The following HERC2 variants were observed in gnomAD, a reference collection of about 807,000 sequenced individuals.
HERC2 encodes E3 ubiquitin-protein ligase HERC2.
A neutral mutation model predicts 537.7 loss-of-function variants in HERC2; 102 were observed. That is an observed-to-expected ratio of 0.19 (90% CI 0.16 to 0.22). The LOEUF (loss-of-function observed/expected upper bound fraction) is 0.22, where lower values mean the gene tolerates loss of function less well. HERC2 is among the 10% of genes least tolerant of loss of function. HERC2 has a pLI of 1.00. For missense variants in HERC2, 4,236 were observed against 6,198.2 expected (o/e 0.68, Z 10.63); for synonymous variants, 2,224 against 2,466.2 (o/e 0.90, Z 2.91).
intron 44 of HERC2, among the ~76,000 whole-genome samples, chr15:28,206,969 C>T: frequency 6.6e-6 from 1 of 151,390 alleles, no homozygotes; most frequent in South Asian, 2.1e-4. Context: ...CAATATCACA[C>T]CACCATACTC....
rs1260084949 is a variant in HERC2 at position 28,265,011 on chromosome 15, T to A, written c.1870+607A>T. On this transcript the variant is annotated intron_variant, in intron 14 of 92. Transcript: ENST00000261609. This position sits in a 1 kb window ranked among gnomAD's most constrained non-coding sequence, Gnocchi z 4.0. ...TCAATTACCAATCTGCCATTCAACT[T>A]CTGCAGGAGAGAAAGCAAGCTGACA... Among the ~76,000 whole-genome samples, 2 of 152,064 alleles carry A rather than the reference T, an allele frequency of 1.3e-5. No homozygotes were observed. Among genetic ancestry groups the A allele is most frequent in the Non-Finnish European group, 2.9e-5 (2 of 68,024 alleles).
At position 28,298,005 on chromosome 15, in the gene HERC2, T is replaced by TTGTGTGTGTGTGTGTG. The variant is rs373425948; in HGVS notation, c.187+1381_187+1396dup. 3.8e-5 allele frequency among the ~76,000 whole-genome samples: 5 copies of TTGTGTGTGTGTGTGTG among 130,616 alleles called. No individual in the cohort carries two copies. The East Asian group carries it at 7.8e-4, about 20-fold the overall frequency. 85.7% of individuals were successfully genotyped at this position (130,616 alleles called of 152,430 possible). A position where few individuals can be genotyped will look rare whatever the true frequency, so the allele number is the denominator to read the frequency against. The stretch of plus-strand genomic sequence containing the variant: ...ACTCACTGTACACGTCTGTCAGTTA[T>TTGTGTGTGTGTGTGTG]TGTGTGTGTGTGTGTGTGTGTGTGT... On this transcript the variant is annotated intron_variant, in intron 3 of 92. Transcript: ENST00000261609.
chr15:28,301,390 G>C (rs2076619489), intron 2 of HERC2, among the ~76,000 whole-genome samples: 1 of 151,974 alleles, frequency 6.6e-6, no homozygotes, highest in African/African-American at 2.4e-5. Flanking sequence ...ACTCCAGCCT[G>C]GGTGACAGAG....
Position 28,224,248 on chromosome 15 carries a change from CGCCCAGGCTGGA to C in HERC2, c.5465-2045_5465-2034del, listed in dbSNP as rs925792117. Among the ~76,000 whole-genome samples the C allele has an allele frequency of 2.4e-4, 36 of 151,684 alleles. 1 individual carries two copies. Among genetic ancestry groups the C allele is most frequent in the Admixed American group, 1.2e-3 (18 of 15,214 alleles). On this transcript the variant is annotated intron_variant, in intron 35 of 92. Coordinates refer to ENST00000261609, the MANE Select transcript of HERC2 (RefSeq NM_004667.6). ...CCCCCAAGACAGGATTTCACTTTGT[CGCCCAGGCTGGA>C]GCCCAGGCTGGAGTGCAGTGGCTTT...
chr15:28,184,482 C>T (rs1002638570), intron 56 of HERC2, among the ~76,000 whole-genome samples: 1 of 152,080 alleles, frequency 6.6e-6, no homozygotes, highest in Admixed American at 6.5e-5. Context: ...GCTTTTCTTT[C>T]GACAATATAT....
At chr15:28,162,450 CATA>C (rs1183446048) in intron 69 of HERC2, among the ~76,000 whole-genome samples, 1 of 151,848 alleles carries the variant, frequency 6.6e-6, no homozygotes, top group Non-Finnish European at 1.5e-5. Context: ...GATTTGACCA[CATA>C]ATAATTAAAA....
rs1048537677 is a variant in HERC2, at chr15:28,122,353, C to A, written c.13189-924G>T. Among the ~76,000 whole-genome samples, 4 of 152,202 alleles carry A rather than the reference C, an allele frequency of 2.6e-5. No individual in the cohort carries two copies. The highest frequency in any genetic ancestry group is 9.7e-5 in the African/African-American group (4 of 41,450). ...TCTCTTGGCCAAGGAGGCAATCGTG[C>A]CTTCTTTCGGTTAGGGGTGGGCTGT... On this transcript the variant is annotated intron_variant, in intron 85 of 92. Coordinates refer to ENST00000261609, the MANE Select transcript of HERC2 (RefSeq NM_004667.6). The surrounding 1 kb of genome is among the most constrained non-coding windows in gnomAD (Gnocchi z 4.1).
chr15:28,114,889 C>A, intron 89 of HERC2, 87 bp from the exon 90 acceptor site: 1 of 1,134,382 alleles, frequency 8.8e-7, no homozygotes, highest in Non-Finnish European at 1.3e-6. Context: ...CTCTGTCAAG[C>A]AGGAACCAGG....
intron 3 of HERC2, among the ~76,000 whole-genome samples, chr15:28,295,543 C>T (rs1281855917): frequency 6.6e-6 from 1 of 152,090 alleles, no homozygotes; most frequent in Non-Finnish European, 1.5e-5. Flanking sequence ...GGATTACAGG[C>T]GTGCATCACC....
chr15:28,314,440 G>A (rs2077027818), intron 2 of HERC2, among the ~76,000 whole-genome samples: 1 of 152,144 alleles, frequency 6.6e-6, no homozygotes, highest in African/African-American at 2.4e-5. Flanking sequence ...AGTCAGCTAA[G>A]TGTGATTTTA....
chr15:28,151,623 C>T (rs1352628866), intron 70 of HERC2, among the ~76,000 whole-genome samples: 1 of 152,098 alleles, frequency 6.6e-6, no homozygotes, highest in African/African-American at 2.4e-5. Context: ...TGCCTGGACG[C>T]TACTGAAGAC....
intron 69 of HERC2, among the ~76,000 whole-genome samples, chr15:28,161,213 T>A (rs1256048177): frequency 6.6e-6 from 1 of 152,250 alleles, no homozygotes; most frequent in African/African-American, 2.4e-5. Flanking sequence ...CTTTAACGTT[T>A]CAGAATTTCA....
At chr15:28,158,269 G>A (rs1893218783) in intron 69 of HERC2, among the ~76,000 whole-genome samples, 1 of 152,156 alleles carries the variant, frequency 6.6e-6, no homozygotes, top group African/African-American at 2.4e-5. Context: ...ATGCAGAGCT[G>A]AGTTCAGTTC....
rs1387936329 is a variant in HERC2, at chr15:28,113,244, A to G, written c.14059T>C (p.Ser4687Pro). The change falls in exon 92 of 93, where the codon TCG becomes CCG. Residue 4687 changes from serine to proline, a missense_variant. Physicochemically the swap from Ser to Pro is moderately conservative, Grantham distance 74. Coordinates refer to ENST00000261609, the MANE Select transcript of HERC2 (RefSeq NM_004667.6). This position sits in a 1 kb window ranked among gnomAD's most constrained non-coding sequence, Gnocchi z 7.0. The stretch of plus-strand genomic sequence containing the variant: ...TCGATGCCTTTATAGGTGGCCACCG[A>G]CTTGAGAAGGTGCAGCGGGATGTCA... ...SPDIPLHLLK[S>P]VATYKGIEPS... 6.2e-7 allele frequency: 1 copy of G among 1,614,018 alleles called. No individual in the cohort carries two copies. Among genetic ancestry groups the G allele is most frequent in the Non-Finnish European group, 8.5e-7 (1 of 1,180,048 alleles).
Position 28,182,477 on chromosome 15 carries a change from G to T in HERC2, c.8861C>A (p.Ala2954Glu), listed in dbSNP as rs1895914426. ...IRKKAAGLESAATIRTKVFVW... is the reference protein window; with the variant it reads ...IRKKAAGLESEATIRTKVFVW... ...AAACACCTTGGTTCTTATCGTAGCT[G>T]CTGATTCCAGCCCAGCAGCCTTCTT... The change falls in exon 57 of 93, where the codon GCA (alanine) becomes GAA (glutamate). Residue 2954 changes from alanine to glutamate, a missense_variant. Physicochemically the swap from Ala to Glu is moderately radical, Grantham distance 107. Around this residue, in one of 27 missense-constraint regions of HERC2, gnomAD observed 606 missense variants for 884.5 expected, o/e 0.69. Coordinates refer to ENST00000261609, the MANE Select transcript of HERC2 (RefSeq NM_004667.6). 6.2e-7 allele frequency: 1 copy of T among 1,613,566 alleles called. No individual in the cohort carries two copies.
chr15:28,318,224 AAAAT>A (rs1477569505), intron 2 of HERC2, among the ~76,000 whole-genome samples: 1 of 152,172 alleles, frequency 6.6e-6, no homozygotes, highest in African/African-American at 2.4e-5. Flanking sequence ...TTTCACTGTA[AAAAT>A]AAAAAGTGAT....
At chr15:28,153,588 T>C (rs1409277151) in intron 69 of HERC2, among the ~76,000 whole-genome samples, 1 of 151,902 alleles carries the variant, frequency 6.6e-6, no homozygotes, top group Non-Finnish European at 1.5e-5. Flanking sequence ...GAGGTGAAGG[T>C]TGCAGTGAGC....
In HERC2 at chr15:28,265,843, C is replaced by T. The variant is rs376524441; in HGVS notation, c.1730G>A (p.Arg577His). The change falls in exon 13 of 93, where the codon CGC becomes CAC. Residue 577 changes from arginine (R) to histidine (H), a missense_variant. Transcript: ENST00000261609. This position sits in a 1 kb window ranked among gnomAD's most constrained non-coding sequence, Gnocchi z 4.0. ...TAEGELYTWG[R>H]GNYGRLGHGS... ...ATGGCCCAGCCGGCCGTAGTTCCCGCGGCCCCAGGTGTACAGCTCCCCCTC... is the reference window on the plus strand; with the variant it reads ...ATGGCCCAGCCGGCCGTAGTTCCCGTGGCCCCAGGTGTACAGCTCCCCCTC... 15 of 1,614,044 alleles carry T rather than the reference C, an allele frequency of 9.3e-6. No homozygotes were observed. The highest frequency in any genetic ancestry group is 2.7e-5 in the African/African-American group (2 of 74,924).
intron 79 of HERC2, among the ~76,000 whole-genome samples, chr15:28,135,131 C>T (rs1353777180): frequency 6.6e-6 from 1 of 152,088 alleles, no homozygotes. Flanking sequence ...TTCCTCACCC[C>T]TGCTATTTCC....
Sources: allele counts gnomAD v4.1 joint callset (sites outside exome capture counted in the v4.1 genomes callset), GRCh38; gene constraint gnomAD v4.1.1; regional missense constraint gnomAD v4.1.1; non-coding constraint Gnocchi (gnomAD v3.1); transcripts MANE v1.5; gene names NCBI Gene and HGNC (gene_info 2026-07-23, HGNC 2026-07-21).